The following CCDC102A variants were observed in gnomAD, a reference collection of about 807,000 sequenced individuals.
The protein encoded by CCDC102A is coiled-coil domain-containing protein 102A.
A neutral mutation model predicts 55.5 loss-of-function variants in CCDC102A; 40 were observed. That is an observed-to-expected ratio of 0.72 (90% CI 0.56 to 0.94). The LOEUF (loss-of-function observed/expected upper bound fraction) is 0.94, where lower values mean the gene tolerates loss of function less well. Among genes scored for constraint, CCDC102A ranks in the 40% least tolerant of loss-of-function variants. The pLI, the probability that CCDC102A is intolerant of heterozygous loss-of-function variation, is 0.00. For synonymous variants in CCDC102A, 323 were observed against 339.0 expected, an observed-to-expected ratio of 0.95 and a Z score of 0.52; for missense variants, 779 against 768.6, an observed-to-expected ratio of 1.01 and a Z score of -0.16.
chr16:57,529,193 G>T lies in CCDC102A; in HGVS notation c.-16C>A. ...CGTGGCTCATGGTGCGGCCGGGCGG[G>T]CCCTGAGCTCGAACTCGCGGTCGGG... On this transcript the variant is annotated 5_prime_UTR_variant, in exon 2 of 9. Transcript: ENST00000258214. The surrounding 1 kb of genome is among the most constrained non-coding windows in gnomAD (Gnocchi z 4.1). 7 of 1,176,616 alleles carry T rather than the reference G, an allele frequency of 5.9e-6. No individual in the cohort carries two copies. The highest frequency in any genetic ancestry group is 7.4e-6 in the Non-Finnish European group (7 of 951,832). The allele number at this position is 1,176,616 out of a possible 1,614,324, so 72.9% of individuals were successfully genotyped here.
chr16:57,517,317 C>T (rs1029655384), intron 6 of CCDC102A, among the ~76,000 whole-genome samples: 16 of 152,102 alleles, frequency 1.1e-4, no homozygotes, highest in African/African-American at 2.4e-4. Flanking sequence ...TACCAGTTAA[C>T]GGCTGCTTTT....
chr16:57,513,262 T>C (rs2031896619), intron 8 of CCDC102A, among the ~76,000 whole-genome samples: 1 of 152,208 alleles, frequency 6.6e-6, no homozygotes, highest in African/African-American at 2.4e-5. Context: ...CAGGGTGGGC[T>C]GAGCCCTCTA....
intron 2 of CCDC102A, 29 bp downstream of exon 2, chr16:57,528,564 A>G: frequency 8.3e-7 from 1 of 1,203,884 alleles, no homozygotes; most frequent in Non-Finnish European, 1.0e-6. Context: ...TCGAGACTGG[A>G]GCGCGAACGC....
intron 8 of CCDC102A, among the ~76,000 whole-genome samples, chr16:57,515,031 T>C (rs1254901069): frequency 6.6e-6 from 1 of 152,150 alleles, no homozygotes; most frequent in African/African-American, 2.4e-5. Context: ...TGAGCCCTGC[T>C]GGCCCCACCC....
chr16:57,524,991 C>T (rs1401200628), intron 3 of CCDC102A, among the ~76,000 whole-genome samples: 1 of 152,218 alleles, frequency 6.6e-6, no homozygotes, highest in Non-Finnish European at 1.5e-5. Context: ...CTCTAACTGA[C>T]CTCTAAACTT....
At chr16:57,519,244 A>C (rs1474176155) in intron 4 of CCDC102A, among the ~76,000 whole-genome samples, 1 of 152,166 alleles carries the variant, frequency 6.6e-6, no homozygotes, top group Non-Finnish European at 1.5e-5. Context: ...ACATGCGTGG[A>C]TCTTTCTGAG....
upstream of CCDC102A, among the ~76,000 whole-genome samples, chr16:57,536,828 CG>C (rs1419352496): frequency 1.3e-5 from 2 of 152,048 alleles, no homozygotes; most frequent in South Asian, 2.1e-4. Flanking sequence ...CCGAGAGTTG[CG>C]GGGGGGCTCG....
intron 7 of CCDC102A, among the ~76,000 whole-genome samples, chr16:57,515,726 A>G (rs1181708080): frequency 6.6e-6 from 1 of 151,352 alleles, no homozygotes. Context: ...CAGTCTGTCC[A>G]TCGGACCATT....
intron 8 of CCDC102A, among the ~76,000 whole-genome samples, chr16:57,513,498 G>A (rs915677771): frequency 6.6e-6 from 1 of 152,234 alleles, no homozygotes; most frequent in African/African-American, 2.4e-5. Context: ...CTCCATTACT[G>A]CACAGTGATT....
intron 2 of CCDC102A, among the ~76,000 whole-genome samples, chr16:57,528,231 C>T (rs2032175669): frequency 6.6e-6 from 1 of 152,190 alleles, no homozygotes; most frequent in Non-Finnish European, 1.5e-5. Context: ...CTCTGTGATC[C>T]CAGTGCCCTG....
At position 57,526,017 on chromosome 16, in the gene CCDC102A, C is replaced by T. The variant is rs1324623055; in HGVS notation, c.696G>A (p.Gln232=). ...AGGPRGSSGR[Q]ERSRLPWEDT... Reference sequence around the variant, plus strand: ...CCTCCCAGGGTAGCCGGCTGCGCTCCTGGCGGCCTGAGCTGCCCCGCGGGC... The same window carrying T: ...CCTCCCAGGGTAGCCGGCTGCGCTCTTGGCGGCCTGAGCTGCCCCGCGGGC... Residue 232 remains glutamine (Q), a synonymous_variant, in exon 3 of 9, where the codon CAG becomes CAA. Coordinates refer to ENST00000258214, the MANE Select transcript of CCDC102A (RefSeq NM_033212.4). 1 of 1,604,518 alleles carries T rather than the reference C, an allele frequency of 6.2e-7. No homozygotes were observed. The highest frequency in any genetic ancestry group is 2.2e-5 in the East Asian group (1 of 44,644).
chr16:57,522,788 T>C (rs1231686359), intron 3 of CCDC102A, among the ~76,000 whole-genome samples: 2 of 152,230 alleles, frequency 1.3e-5, no homozygotes, highest in African/African-American at 4.8e-5. Context: ...TATCATCCCA[T>C]TTAAAGACAC....
intron 4 of CCDC102A, 36 bp from the exon 5 acceptor site, chr16:57,518,777 A>C: frequency 6.6e-7 from 1 of 1,525,888 alleles, no homozygotes; most frequent in Non-Finnish European, 9.0e-7. Flanking sequence ...CATGAGAACC[A>C]CCAGGATATA....
At chr16:57,519,972 C>T (rs2032018314) in intron 4 of CCDC102A, among the ~76,000 whole-genome samples, 1 of 152,164 alleles carries the variant, frequency 6.6e-6, no homozygotes, top group Non-Finnish European at 1.5e-5. Context: ...CACAGGAGGC[C>T]GTAGTGGCAG....
chr16:57,531,323 G>T (rs2032257324), intron 1 of CCDC102A, among the ~76,000 whole-genome samples: 1 of 149,852 alleles, frequency 6.7e-6, no homozygotes, highest in Non-Finnish European at 1.5e-5. Context: ...TTCCAGCTTT[G>T]AAGGCACCCT....
chr16:57,516,405 A>G lies in CCDC102A; in HGVS notation c.1307T>C (p.Val436Ala). 6.2e-7 allele frequency: 1 copy of G among 1,609,732 alleles called. No individual in the cohort carries two copies. The part of the protein sequence containing the change: ...GKLKKQFQEK[V>A]AELAHANRRV... ...CCGGTTGGCATGTGCCAGCTCTGCC[A>G]CCTTCTCCTGGAACTGCTTCTTCAG... Residue 436 changes from valine (V) to alanine (A), a missense_variant, in exon 7 of 9, where the codon GTG becomes GCG. Transcript: ENST00000258214. This position sits in a 1 kb window ranked among gnomAD's most constrained non-coding sequence, Gnocchi z 4.4.
At chr16:57,524,397 A>T (rs1238656156) in intron 3 of CCDC102A, among the ~76,000 whole-genome samples, 1 of 152,056 alleles carries the variant, frequency 6.6e-6, no homozygotes, top group African/African-American at 2.4e-5. Flanking sequence ...TGGATAGGGA[A>T]TGCAGTTCCA....
In CCDC102A at chr16:57,518,181, G is replaced by T. The variant is rs761275903; in HGVS notation, c.1135C>A (p.Arg379=). ...LGLERENKKL[R]AQVGDLEEAL... is the part of the protein sequence containing the mutation. ...TCCTCCAGGTCTCCGACCTGTGCCC[G>T]CAGCTTCTTGTTCTCCCGCTCAAGG... is the stretch of plus-strand genomic sequence containing the variant. The change falls in exon 6 of 9, where the codon CGG becomes AGG. Residue 379 remains arginine (R), a synonymous_variant. Transcript: ENST00000258214. The T allele has an allele frequency of 6.2e-7, 1 of 1,612,504 alleles. No individual in the cohort carries two copies. Among genetic ancestry groups the T allele is most frequent in the Admixed American group, 1.7e-5 (1 of 60,028 alleles).
chr16:57,530,531 C>G (rs2032237332), intron 1 of CCDC102A, among the ~76,000 whole-genome samples: 1 of 152,224 alleles, frequency 6.6e-6, no homozygotes, highest in Non-Finnish European at 1.5e-5. Context: ...TGGCAGCCCT[C>G]TATGTCCCCT....
Sources: allele counts gnomAD v4.1 joint callset (sites outside exome capture counted in the v4.1 genomes callset), GRCh38; gene constraint gnomAD v4.1.1; non-coding constraint Gnocchi (gnomAD v3.1); transcripts MANE v1.5; gene names NCBI Gene and HGNC (gene_info 2026-07-23, HGNC 2026-07-21).